Variants in SMYD3 observed in about 807,000 individuals in gnomAD.
SMYD3 encodes histone-lysine N-methyltransferase SMYD3.
In SMYD3, 36 loss-of-function variants were observed where a neutral mutation model predicts 57.7. The observed-to-expected ratio is 0.62, with a 90% CI of 0.48 to 0.82. SMYD3 has a LOEUF of 0.82. Ranked by LOEUF, SMYD3 falls within the 40% of genes least tolerant of loss-of-function variation. The pLI is 0.00. For synonymous variants in SMYD3, 211 were observed against 195.0 expected (o/e 1.08, Z -0.68); for missense variants, 515 against 538.8 (o/e 0.96, Z 0.44).
chr1:246,457,436 G>A (rs1345967527), intron 1 of SMYD3, among the ~76,000 whole-genome samples: 1 of 150,406 alleles, frequency 6.6e-6, no homozygotes, highest in African/African-American at 2.4e-5. Context: ...GGGAGGCTGA[G>A]GCAGGAGAAT....
intron 11 of SMYD3, among the ~76,000 whole-genome samples, chr1:245,762,064 T>C (rs1157681420): frequency 6.6e-6 from 1 of 152,092 alleles, no homozygotes; most frequent in Non-Finnish European, 1.5e-5. Context: ...GGATTATAGA[T>C]GTGAGCCACC....
intron 5 of SMYD3, among the ~76,000 whole-genome samples, chr1:246,044,793 G>A (rs6426269): frequency 0.46 from 70,661 of 152,004 alleles, 17,867 homozygotes; most frequent in East Asian, 0.8. Context: ...TTCAATAGCA[G>A]ACTTAATGCT....
At position 246,477,984 on chromosome 1, in the gene SMYD3, G is replaced by A. The variant is rs138795385; in HGVS notation, c.164+29070C>T. On this transcript the variant is annotated intron_variant, in intron 1 of 11. Transcript: ENST00000490107. ...TAAAAGTCAGTCTCAGCTAACCCAAGAAATATTAATACATATGTAGATAAG... is the reference window on the plus strand; with the variant it reads ...TAAAAGTCAGTCTCAGCTAACCCAAAAAATATTAATACATATGTAGATAAG... Among the ~76,000 whole-genome samples the A allele has an allele frequency of 6.0e-4, 91 of 152,282 alleles. 1 individual carries two copies. In the East Asian group the frequency reaches 0.014, roughly 24 times the overall value.
intron 10 of SMYD3, among the ~76,000 whole-genome samples, chr1:245,844,398 C>T (rs1051135158): frequency 1.3e-5 from 2 of 152,138 alleles, no homozygotes; most frequent in African/African-American, 2.4e-5. Context: ...TCTCTCTGGA[C>T]CCCCCAGATA....
intron 1 of SMYD3, among the ~76,000 whole-genome samples, chr1:246,485,390 A>G (rs1318812142): frequency 1.3e-5 from 2 of 152,240 alleles, no homozygotes; most frequent in Non-Finnish European, 2.9e-5. Context: ...CCAATTTCCA[A>G]GATAAATATC....
chr1:246,172,646 A>T (rs1373546776), intron 5 of SMYD3, among the ~76,000 whole-genome samples: 2 of 142,098 alleles, frequency 1.4e-5, no homozygotes, highest in Non-Finnish European at 3.0e-5. Flanking sequence ...CACTCACTGT[A>T]CTCTACTGTA....
At chr1:245,773,939 A>C (rs1246935551) in intron 10 of SMYD3, among the ~76,000 whole-genome samples, 1 of 152,204 alleles carries the variant, frequency 6.6e-6, no homozygotes, top group Non-Finnish European at 1.5e-5. Flanking sequence ...ATTTTCAGAA[A>C]ATTTTAAATT....
At chr1:245,832,152 T>G (rs1181261994) in intron 10 of SMYD3, among the ~76,000 whole-genome samples, 2 of 152,210 alleles carry the variant, frequency 1.3e-5, no homozygotes, top group African/African-American at 4.8e-5. Flanking sequence ...GGCTCAATAA[T>G]GCCTGGTCAA....
At chr1:246,497,446 A>G (rs1474031140) in intron 1 of SMYD3, among the ~76,000 whole-genome samples, 1 of 152,230 alleles carries the variant, frequency 6.6e-6, no homozygotes, top group Non-Finnish European at 1.5e-5. Flanking sequence ...TGGCTAAAAA[A>G]TAAGTTGCCT....
intron 1 of SMYD3, among the ~76,000 whole-genome samples, chr1:246,383,050 G>A (rs2066415120): frequency 6.6e-6 from 1 of 151,896 alleles, no homozygotes; most frequent in Non-Finnish European, 1.5e-5. Context: ...ACCTGTCCCA[G>A]TGGGCCCAGG....
chr1:246,313,612 C>G lies in SMYD3; in HGVS notation c.531+13589G>C, dbSNP rs191200674. On this transcript the variant is annotated intron_variant, in intron 5 of 11. Coordinates refer to ENST00000490107, the MANE Select transcript of SMYD3 (RefSeq NM_001167740.2). Reference sequence around the variant, plus strand: ...GTCAATCAAAACTTGAAATAGCGCCCATGACTGCCAAGTCTGGTCACATGT... The same window carrying G: ...GTCAATCAAAACTTGAAATAGCGCCGATGACTGCCAAGTCTGGTCACATGT... Among the ~76,000 whole-genome samples the G allele has an allele frequency of 3.7e-4, 56 of 152,272 alleles. 1 individual carries two copies. In the East Asian group the frequency reaches 4.8e-3, roughly 13 times the overall value.
chr1:246,338,678 A>G (rs957622317), intron 2 of SMYD3, among the ~76,000 whole-genome samples: 1 of 152,242 alleles, frequency 6.6e-6, no homozygotes, highest in African/African-American at 2.4e-5. Flanking sequence ...AATGACATCT[A>G]TAACACAATT....
chr1:246,396,034 A>G (rs1479367633), intron 1 of SMYD3, among the ~76,000 whole-genome samples: 1 of 152,202 alleles, frequency 6.6e-6, no homozygotes, highest in Non-Finnish European at 1.5e-5. Context: ...ACCAGGAAAA[A>G]GAAAAATGTT....
chr1:245,927,825 C>G, intron 7 of SMYD3, 106 bp downstream of exon 7: 1 of 779,308 alleles, frequency 1.3e-6, no homozygotes, highest in African/African-American at 1.7e-5. Flanking sequence ...GGCAGAAGGA[C>G]AATGAAAAGT....
chr1:246,438,655 G>A (rs564401108), intron 1 of SMYD3, among the ~76,000 whole-genome samples: 30 of 152,032 alleles, frequency 2.0e-4, no homozygotes, highest in Non-Finnish European at 2.9e-4. Context: ...CCTAGAATAC[G>A]TATAACAGTG....
At chr1:245,868,692 T>C (rs769201875) in intron 8 of SMYD3, among the ~76,000 whole-genome samples, 7 of 152,198 alleles carry the variant, frequency 4.6e-5, no homozygotes, top group Non-Finnish European at 2.9e-5. Flanking sequence ...CATTTTATAT[T>C]GGAGCTAGAC....
At chr1:246,326,162 T>A (rs1168722330) in intron 5 of SMYD3, 2 of 396,236 alleles carry the variant, frequency 5.0e-6, no homozygotes, top group African/African-American at 4.1e-5. Flanking sequence ...AAACATGCCT[T>A]AAAATATTAA....
chr1:246,072,612 G>A (rs2060477458), intron 5 of SMYD3, among the ~76,000 whole-genome samples: 1 of 152,188 alleles, frequency 6.6e-6, no homozygotes, highest in South Asian at 2.1e-4. Flanking sequence ...GGATTAAAGA[G>A]TTATCTAGTA....
At chr1:245,895,499 A>G (rs528215603) in intron 8 of SMYD3, among the ~76,000 whole-genome samples, 42 of 145,466 alleles carry the variant, frequency 2.9e-4, no homozygotes, top group African/African-American at 7.6e-4. Flanking sequence ...AAATAGAGTA[A>G]GGCAGCAGAA....
Sources: gnomAD v4.1 joint callset for allele counts (sites outside exome capture counted in the v4.1 genomes callset) on GRCh38, gnomAD v4.1.1 for gene constraint, MANE v1.5 for transcripts, NCBI Gene and HGNC (gene_info 2026-07-23, HGNC 2026-07-21) for gene names.